Variants in PABPC4 observed in about 807,000 individuals in gnomAD.
PABPC4 encodes the protein poly(A) binding protein cytoplasmic 4.
A neutral mutation model predicts 74.5 loss-of-function variants in PABPC4; 15 were observed. That is an observed-to-expected ratio of 0.20 (90% CI 0.13 to 0.31). The LOEUF is 0.31. Ranked by LOEUF, PABPC4 falls within the 10% of genes least tolerant of loss-of-function variation. The pLI, the probability that PABPC4 is intolerant of heterozygous loss-of-function variation, is 1.00. For synonymous variants in PABPC4, 345 were observed against 303.0 expected (o/e 1.14, Z -1.44); for missense variants, 610 against 853.5 (o/e 0.71, Z 3.55).
chr1:39,567,756 C>T lies in PABPC4; in HGVS notation c.967G>A (p.Ala323Thr). The T allele has an allele frequency of 6.7e-7, 1 of 1,481,682 alleles. No individual in the cohort carries two copies. Among genetic ancestry groups the T allele is most frequent in the Non-Finnish European group, 9.4e-7 (1 of 1,059,134 alleles). The allele number at this position is 1,481,682 out of a possible 1,614,324, so 91.8% of individuals were successfully genotyped here. Residue 323 changes from alanine to threonine, a missense_variant, in exon 7 of 16, where the codon GCT becomes ACT. Physicochemically the swap from Ala to Thr is moderately conservative, Grantham distance 58. Transcript: ENST00000372858. ...EFSPFGSITS[A>T]KVMLEDGRSK... ...CCCAGATCGCAGTATAATACCTTAGCACTGGTAATTGATCCAAAAGGAGAA... is the reference window on the plus strand; with the variant it reads ...CCCAGATCGCAGTATAATACCTTAGTACTGGTAATTGATCCAAAAGGAGAA...
At position 39,575,988 on chromosome 1, in the gene PABPC4, G is replaced by A. The variant is rs769279044; in HGVS notation, c.-37C>T. On this transcript the variant is annotated 5_prime_UTR_variant, in exon 1 of 16. Coordinates refer to ENST00000372858, the MANE Select transcript of PABPC4 (RefSeq NM_001135653.2). ...CCACCACCCCGAGCCCCGCCAGGAG[G>A]ACTTCTTATCGGGCCCGCCGCAGGA... 62 of 1,395,692 alleles carry A rather than the reference G, an allele frequency of 4.4e-5. No individual in the cohort carries two copies. Among genetic ancestry groups the A allele is most frequent in the Middle Eastern group, 2.6e-4 (1 of 3,868 alleles). 86.5% of individuals were successfully genotyped at this position (1,395,692 alleles called of 1,614,324 possible).
chr1:39,574,398 G>A (rs746777885), intron 1 of PABPC4, among the ~76,000 whole-genome samples: 1 of 152,226 alleles, frequency 6.6e-6, no homozygotes, highest in African/African-American at 2.4e-5. Flanking sequence ...TGACAAATCT[G>A]GCTGCACTTA....
chr1:39,572,796 A>G (rs114015927), intron 1 of PABPC4: 16,664 of 490,396 alleles, frequency 0.034, 363 homozygotes, highest in Non-Finnish European at 0.047. Flanking sequence ...TCATGACAGA[A>G]GTCTAAACAC....
chr1:39,575,127 A>T (rs558196510), intron 1 of PABPC4, among the ~76,000 whole-genome samples: 1 of 152,306 alleles, frequency 6.6e-6, no homozygotes, highest in East Asian at 1.9e-4. Context: ...CCTGGATACC[A>T]TTTGTCCAGA....
At chr1:39,567,666 A>T (rs765001438) in intron 7 of PABPC4, 85 bp downstream of exon 7, 1 of 771,004 alleles carries the variant, frequency 1.3e-6, no homozygotes. Context: ...AACATAATTT[A>T]AATGCTATTC....
At position 39,561,491 on chromosome 1, in the gene PABPC4, C is replaced by T. The variant is rs141851039; in HGVS notation, c.*13+194G>A. 3,320 of 579,908 alleles carry T rather than the reference C, an allele frequency of 5.7e-3. 14 individuals carry two copies. Among genetic ancestry groups the T allele is most frequent in the Non-Finnish European group, 8.6e-3 (2,737 of 317,304 alleles). The allele number at this position is 579,908 out of a possible 1,614,324, so 35.9% of individuals were successfully genotyped here. ...CAACCAGTACTAGTTTTATTATTCA[C>T]TCAAGCTCCTGCAGACAAAGTCCAC... On this transcript the variant is annotated intron_variant, in intron 15 of 15. Transcript: ENST00000372858.
rs762891344 is a variant in PABPC4, at chr1:39,567,742, G to A, written c.972+9C>T. 6.6e-6 allele frequency: 9 copies of A among 1,353,990 alleles called. No individual in the cohort carries two copies. Among genetic ancestry groups the A allele is most frequent in the African/African-American group, 4.3e-5 (3 of 70,080 alleles). 83.9% of individuals were successfully genotyped at this position (1,353,990 alleles called of 1,614,324 possible). On this transcript the variant is annotated intron_variant, in intron 7 of 15. Coordinates refer to ENST00000372858, the MANE Select transcript of PABPC4 (RefSeq NM_001135653.2). ...CACTGCTTTCAATCCCCAGATCGCA[G>A]TATAATACCTTAGCACTGGTAATTG...
At chr1:39,561,295 C>T in intron 15 of PABPC4, 173 bp from the exon 16 acceptor site, 1 of 343,026 alleles carries the variant, frequency 2.9e-6, no homozygotes, top group South Asian at 2.4e-5. Context: ...CATTTAGCAG[C>T]ATCTCTGGTC....
intron 6 of PABPC4, chr1:39,568,552 G>A: frequency 2.4e-6 from 1 of 409,532 alleles, no homozygotes; most frequent in East Asian, 4.1e-5. Flanking sequence ...GAACCTACAT[G>A]GCTAAAAGCA....
In PABPC4 at chr1:39,561,578, T is replaced by TCC. The variant is rs1010528583; in HGVS notation, c.*13+105_*13+106dup. 6.8e-6 allele frequency: 5 copies of TCC among 733,358 alleles called. No individual in the cohort carries two copies. The African/African-American group carries it at 8.7e-5, about 13-fold the overall frequency. The allele number at this position is 733,358 out of a possible 1,614,324, so 45.4% of individuals were successfully genotyped here. ...GTGTAACTAACTGTACTTATTGTAT[T>TCC]CCCAGAGCTAAGCAGTGAGCATATA... is the stretch of plus-strand genomic sequence containing the variant. On this transcript the variant is annotated intron_variant, in intron 15 of 15. Transcript: ENST00000372858.
chr1:39,564,586 C>G (rs1645808379), intron 9 of PABPC4, 44 bp from the exon 10 acceptor site: 1 of 1,612,870 alleles, frequency 6.2e-7, no homozygotes, highest in Non-Finnish European at 8.5e-7. Flanking sequence ...GTGATGTGGA[C>G]CAGAACCTAG....
In PABPC4 at chr1:39,576,406, A is replaced by C. The variant is rs1483604123; in HGVS notation, c.-455T>G. 6.6e-6 allele frequency: 1 copy of C among 152,136 alleles called. No individual in the cohort carries two copies. Among genetic ancestry groups the C allele is most frequent in the African/African-American group, 2.4e-5 (1 of 41,426 alleles). 9.4% of individuals were successfully genotyped at this position (152,136 alleles called of 1,614,324 possible). The stretch of plus-strand genomic sequence containing the variant: ...ATTACAACCGCCGGGGCAGAGGGAA[A>C]CCAAATCTTTGTGGGCGCCGACTCG... On this transcript the variant is annotated 5_prime_UTR_variant, in exon 1 of 16. Transcript: ENST00000372858.
In PABPC4 at chr1:39,567,891, T is replaced by A. The variant is rs767418455; in HGVS notation, c.877-45A>T. ...GTTAACTACACTTCTATATCACAAA[T>A]ATTCCCTAAGAAAGTGGTTCCCCAA... On this transcript the variant is annotated intron_variant, in intron 6 of 15. Transcript: ENST00000372858. The A allele has an allele frequency of 2.7e-6, 3 of 1,128,756 alleles. No individual in the cohort carries two copies. In the Admixed American group the frequency reaches 5.6e-5, roughly 21 times the overall value. The allele number at this position is 1,128,756 out of a possible 1,614,324, so 69.9% of individuals were successfully genotyped here.
At chr1:39,570,976 T>C (rs1645931360) in intron 3 of PABPC4, 3 of 1,178,008 alleles carry the variant, frequency 2.5e-6, no homozygotes, top group Non-Finnish European at 3.4e-6. Context: ...CAGTTGTTGA[T>C]GCTCACAAAA....
chr1:39,562,393 C>A lies in PABPC4; in HGVS notation c.1692G>T (p.Val564=), dbSNP rs1645779036. The A allele has an allele frequency of 1.2e-6, 2 of 1,613,808 alleles. No homozygotes were observed. Among genetic ancestry groups the A allele is most frequent in the Non-Finnish European group, 1.7e-6 (2 of 1,179,936 alleles). ...AGGCAGTCAGTGGCTCCTGCCCCTG[C>A]ACATGGACCGCAGGCTGGGGTGCCT... The part of the protein sequence containing the change: ...PLQAPQPAVH[V]QGQEPLTASM... Residue 564 remains valine (V), a synonymous_variant, in exon 13 of 16, where the codon GTG becomes GTT. Coordinates refer to ENST00000372858, the MANE Select transcript of PABPC4 (RefSeq NM_001135653.2).
chr1:39,565,807 G>A (rs887644980), intron 7 of PABPC4, among the ~76,000 whole-genome samples: 8 of 151,646 alleles, frequency 5.3e-5, no homozygotes, highest in African/African-American at 9.7e-5. Context: ...CAGCCTGGGC[G>A]ACAGAGCGAG....
At chr1:39,561,958 C>G in intron 14 of PABPC4, 115 bp downstream of exon 14, 1 of 1,290,026 alleles carries the variant, frequency 7.8e-7, no homozygotes, top group South Asian at 1.4e-5. Flanking sequence ...CAAGGCATGA[C>G]GAGAGGGGTC....
intron 10 of PABPC4, 186 bp downstream of exon 10, chr1:39,564,237 G>A (rs980290619): frequency 1.5e-6 from 1 of 683,184 alleles, no homozygotes; most frequent in East Asian, 2.7e-5. Context: ...AATGTTAAAA[G>A]CAACTGACAC....
At chr1:39,571,146 A>T (rs1159873835) in intron 3 of PABPC4, 88 bp downstream of exon 3, 2 of 1,600,172 alleles carry the variant, frequency 1.2e-6, no homozygotes, top group Non-Finnish European at 1.7e-6. Flanking sequence ...GCCGAGAACC[A>T]GTAGCCGCCT....
Sources: allele counts gnomAD v4.1 joint callset (sites outside exome capture counted in the v4.1 genomes callset), GRCh38; gene constraint gnomAD v4.1.1; transcripts MANE v1.5; gene names NCBI Gene and HGNC (gene_info 2026-07-23, HGNC 2026-07-21).